Variants in NRXN1 observed in about 807,000 individuals in gnomAD.
NRXN1 encodes the protein neurexin 1.
Under a neutral mutation model 150.9 loss-of-function variants are expected in NRXN1, and 39 were observed. The ratio of observed to expected loss-of-function variants is 0.26; its 90% CI spans 0.20 to 0.34. The LOEUF is 0.34. NRXN1 is among the 10% of genes least tolerant of loss of function. NRXN1 has a pLI of 1.00. For missense variants in NRXN1, 1,815 were observed against 1,949.9 expected (o/e 0.93, Z 1.30); for synonymous variants, 924 against 757.0 (o/e 1.22, Z -3.62).
chr2:50,270,563 T>C (rs2069457830), intron 17 of NRXN1, among the ~76,000 whole-genome samples: 1 of 152,138 alleles, frequency 6.6e-6, no homozygotes, highest in Non-Finnish European at 1.5e-5. Context: ...ACTATCAGAA[T>C]TTTGAATTCT....
intron 18 of NRXN1, among the ~76,000 whole-genome samples, chr2:50,182,906 C>T (rs1292081670): frequency 6.6e-6 from 1 of 151,968 alleles, no homozygotes; most frequent in Non-Finnish European, 1.5e-5. Flanking sequence ...AATTAGAGCT[C>T]ATGCAAGACC....
At chr2:50,013,273 C>CTTTTTTTTTT (rs3046630) in intron 21 of NRXN1, among the ~76,000 whole-genome samples, 1 of 136,150 alleles carries the variant, frequency 7.3e-6, no homozygotes, top group African/African-American at 2.7e-5. Context: ...ATTAAAGTTT[C>CTTTTTTTTTT]TTTTTTTTTT....
chr2:50,809,026 C>T (rs1169803378), intron 5 of NRXN1, among the ~76,000 whole-genome samples: 1 of 152,086 alleles, frequency 6.6e-6, no homozygotes, highest in Admixed American at 6.6e-5. Context: ...CCTGGTCACA[C>T]AGCTTAAGTA....
intron 8 of NRXN1, among the ~76,000 whole-genome samples, chr2:50,573,639 G>C (rs1670982368): frequency 6.6e-6 from 1 of 151,904 alleles, no homozygotes; most frequent in Non-Finnish European, 1.5e-5. Flanking sequence ...CATTGGGGTG[G>C]AATCCCAAAG....
intron 5 of NRXN1, among the ~76,000 whole-genome samples, chr2:50,782,099 T>A (rs1392303518): frequency 6.6e-6 from 1 of 152,170 alleles, no homozygotes; most frequent in African/African-American, 2.4e-5. Context: ...ACAGGGTAGA[T>A]GCTAAACAAA....
At chr2:50,842,035 G>T (rs1410018919) in intron 5 of NRXN1, among the ~76,000 whole-genome samples, 1 of 152,174 alleles carries the variant, frequency 6.6e-6, no homozygotes, top group Non-Finnish European at 1.5e-5. Context: ...TAGCTTGAAT[G>T]AATTTTATAG....
At chr2:50,035,438 T>C (rs1355297749) in intron 21 of NRXN1, among the ~76,000 whole-genome samples, 1 of 152,098 alleles carries the variant, frequency 6.6e-6, no homozygotes, top group Non-Finnish European at 1.5e-5. Context: ...AACATGCTGT[T>C]AACTTCTGCC....
At chr2:50,084,497 T>C (rs1698495161) in intron 19 of NRXN1, among the ~76,000 whole-genome samples, 1 of 152,058 alleles carries the variant, frequency 6.6e-6, no homozygotes, top group Non-Finnish European at 1.5e-5. Context: ...GGCCGGCCGC[T>C]GCAAGTGCAG....
rs189639575 is a variant in NRXN1, at chr2:50,474,398, C to A, written c.3071-1927G>T. Among the ~76,000 whole-genome samples the A allele has an allele frequency of 4.6e-5, 7 of 151,816 alleles. No individual in the cohort carries two copies. The East Asian group carries it at 1.4e-3, about 30-fold the overall frequency. On this transcript the variant is annotated intron_variant, in intron 15 of 22. Coordinates refer to ENST00000401669, the MANE Select transcript of NRXN1 (RefSeq NM_001330078.2). ...AAGCAGGAGATAAAGTTGGAAGAAC[C>A]TAGTTGTGCAAGTACAGTCATTGGC...
chr2:50,639,998 CA>C (rs1683833441), intron 5 of NRXN1, among the ~76,000 whole-genome samples: 2 of 152,158 alleles, frequency 1.3e-5, no homozygotes, highest in Admixed American at 6.5e-5. Context: ...ATACACATCA[CA>C]ATCTTGACGA....
At chr2:50,134,273 G>GAAAAAA (rs59985780) in intron 18 of NRXN1, among the ~76,000 whole-genome samples, 2 of 96,466 alleles carry the variant, frequency 2.1e-5, no homozygotes, top group African/African-American at 3.5e-5. Flanking sequence ...AAAGTAACCA[G>GAAAAAA]AAAAAAAAAA....
At chr2:50,165,899 A>G (rs2059651993) in intron 18 of NRXN1, among the ~76,000 whole-genome samples, 1 of 152,184 alleles carries the variant, frequency 6.6e-6, no homozygotes, top group Non-Finnish European at 1.5e-5. Context: ...GGAGTCTTGT[A>G]CTACTTTATG....
chr2:50,413,049 C>T (rs1219594503), intron 17 of NRXN1, among the ~76,000 whole-genome samples: 1 of 152,132 alleles, frequency 6.6e-6, no homozygotes, highest in Non-Finnish European at 1.5e-5. Context: ...GAATACACTA[C>T]AAGCACAGAC....
At chr2:50,253,019 G>A (rs758187694) in intron 17 of NRXN1, among the ~76,000 whole-genome samples, 1 of 152,096 alleles carries the variant, frequency 6.6e-6, no homozygotes, top group African/African-American at 2.4e-5. Flanking sequence ...CCATTTTCAT[G>A]ATATTGATTC....
chr2:50,727,892 C>G (rs1008975589), intron 5 of NRXN1, among the ~76,000 whole-genome samples: 2 of 152,060 alleles, frequency 1.3e-5, no homozygotes, highest in African/African-American at 4.8e-5. Context: ...TAACAAGTCC[C>G]TGAATTACTG....
intron 17 of NRXN1, among the ~76,000 whole-genome samples, chr2:50,422,196 G>A (rs1349829508): frequency 6.6e-6 from 1 of 152,058 alleles, no homozygotes; most frequent in African/African-American, 2.4e-5. Flanking sequence ...TTAAAAAATT[G>A]TACAAATTCA....
At chr2:50,052,499 A>G (rs1018010960) in intron 21 of NRXN1, among the ~76,000 whole-genome samples, 51 of 152,166 alleles carry the variant, frequency 3.4e-4, no homozygotes. Context: ...CACTGATGGA[A>G]CACCAATATT....
intron 2 of NRXN1, among the ~76,000 whole-genome samples, chr2:50,926,224 T>A (rs1189609502): frequency 6.6e-6 from 1 of 151,970 alleles, no homozygotes; most frequent in Admixed American, 6.6e-5. Flanking sequence ...CTACCCAGTA[T>A]AAAGCAAACA....
chr2:50,712,699 C>A (rs189787214), intron 5 of NRXN1, among the ~76,000 whole-genome samples: 1 of 152,310 alleles, frequency 6.6e-6, no homozygotes, highest in Non-Finnish European at 1.5e-5. Flanking sequence ...AGCCCTTTAA[C>A]TCTCATATGC....
Sources: gnomAD v4.1 joint callset for allele counts (sites outside exome capture counted in the v4.1 genomes callset) on GRCh38, gnomAD v4.1.1 for gene constraint, MANE v1.5 for transcripts, NCBI Gene and HGNC (gene_info 2026-07-23, HGNC 2026-07-21) for gene names.